Variants in SLC30A10 observed in about 807,000 individuals in gnomAD.
The protein encoded by SLC30A10 is calcium/manganese antiporter SLC30A10.
In SLC30A10, 8 loss-of-function variants were observed where a neutral mutation model predicts 21.7. The ratio of observed to expected loss-of-function variants is 0.37; its 90% CI spans 0.22 to 0.67. The LOEUF is 0.67. SLC30A10 is among the 30% of genes least tolerant of loss of function. The pLI, the probability that SLC30A10 is intolerant of heterozygous loss-of-function variation, is 0.58. For missense variants in SLC30A10, 521 were observed against 642.5 expected (o/e 0.81, Z 2.04); for synonymous variants, 272 against 279.4 (o/e 0.97, Z 0.26).
chr1:219,939,265 C>G (rs1660086029), intron 1 of SLC30A10, among the ~76,000 whole-genome samples: 1 of 152,148 alleles, frequency 6.6e-6, no homozygotes, highest in South Asian at 2.1e-4. Flanking sequence ...GAATGCACCT[C>G]TACCATCAGT....
chr1:219,915,704 G>T lies in SLC30A10; in HGVS notation c.1203C>A (p.Asn401Lys). Residue 401 changes from asparagine (N) to lysine (K), a missense_variant, in exon 4 of 4, where the codon AAC (asparagine) becomes AAA (lysine). Transcript: ENST00000366926. ...CACAGCCCTTGGAGATGCAGGGTGA[G>T]TTGCAGAGCAACAGTAAGTCCTTCT... ...LEQKDLLLLC[N>K]SPCISKGCAK... The T allele has an allele frequency of 1.2e-6, 2 of 1,614,252 alleles. No homozygotes were observed. Among genetic ancestry groups the T allele is most frequent in the South Asian group, 2.2e-5 (2 of 91,084 alleles).
chr1:219,914,698 C>T lies in SLC30A10; in HGVS notation c.*751G>A, dbSNP rs1304860581. 1 of 152,156 alleles carries T rather than the reference C, an allele frequency of 6.6e-6. No individual in the cohort carries two copies. Among genetic ancestry groups the T allele is most frequent in the Non-Finnish European group, 1.5e-5 (1 of 68,016 alleles). 9.4% of individuals were successfully genotyped at this position (152,156 alleles called of 1,614,324 possible). ...AAAGACAGTATATGAGTATTTGTGT[C>T]ATACTTCAGGAAACTGAAATATTCC... On this transcript the variant is annotated 3_prime_UTR_variant, in exon 4 of 4. Transcript: ENST00000366926.
chr1:219,916,968 G>GTT (rs749604118), intron 3 of SLC30A10, among the ~76,000 whole-genome samples: 24 of 132,254 alleles, frequency 1.8e-4, no homozygotes, highest in African/African-American at 2.5e-4. Flanking sequence ...ATCTTGTGGG[G>GTT]TTTTTTTTTT....
intron 1 of SLC30A10, among the ~76,000 whole-genome samples, chr1:219,953,746 G>T (rs1301647632): frequency 6.7e-6 from 1 of 148,502 alleles, no homozygotes; most frequent in Non-Finnish European, 1.5e-5. Context: ...TTGCTCTGTT[G>T]CCCAGGCTGG....
In SLC30A10 at chr1:219,928,553, A is replaced by T; in HGVS notation, c.-113T>A. 2.3e-5 allele frequency: 22 copies of T among 936,274 alleles called. No homozygotes were observed. The highest frequency in any genetic ancestry group is 4.1e-5 in the Admixed American group (1 of 24,272). The allele number at this position is 936,274 out of a possible 1,614,324, so 58.0% of individuals were successfully genotyped here. A position where few individuals can be genotyped will look rare whatever the true frequency, so the allele number is the denominator to read the frequency against. Reference sequence around the variant, plus strand: ...CCGTGAGGCCCGGTACCCGCCTCCCAGATTGTCTCGCCGGCCCTGCCCCAC... The same window carrying T: ...CCGTGAGGCCCGGTACCCGCCTCCCTGATTGTCTCGCCGGCCCTGCCCCAC... On this transcript the variant is annotated 5_prime_UTR_variant, in exon 1 of 4. Transcript: ENST00000366926. This position sits in a 1 kb window ranked among gnomAD's most constrained non-coding sequence, Gnocchi z 6.3.
At chr1:219,955,355 C>G (rs1660331783) in intron 1 of SLC30A10, among the ~76,000 whole-genome samples, 1 of 152,200 alleles carries the variant, frequency 6.6e-6, no homozygotes. Flanking sequence ...ACCTGAACTT[C>G]CTCACACCTT....
intron 1 of SLC30A10, among the ~76,000 whole-genome samples, chr1:219,943,072 A>T (rs1660141480): frequency 1.3e-5 from 2 of 152,170 alleles, no homozygotes; most frequent in African/African-American, 4.8e-5. Flanking sequence ...TAATCATGAA[A>T]TACACAAAAT....
chr1:219,940,082 C>G (rs1660101068), intron 1 of SLC30A10, among the ~76,000 whole-genome samples: 1 of 152,228 alleles, frequency 6.6e-6, no homozygotes. Flanking sequence ...GTGCTTGACA[C>G]TCCTTCCATC....
chr1:219,955,192 C>T (rs538719136), intron 1 of SLC30A10, among the ~76,000 whole-genome samples: 16 of 152,316 alleles, frequency 1.1e-4, no homozygotes, highest in African/African-American at 2.9e-4. Context: ...AACCTTTCCC[C>T]TACTCCCTTC....
At chr1:219,919,740 T>TAC (rs1261638459) in intron 2 of SLC30A10, among the ~76,000 whole-genome samples, 1 of 149,214 alleles carries the variant, frequency 6.7e-6, no homozygotes, top group African/African-American at 2.5e-5. Flanking sequence ...AGTGCCATTG[T>TAC]ACTCCAGCCT....
intron 1 of SLC30A10, among the ~76,000 whole-genome samples, chr1:219,946,658 T>C (rs1335525590): frequency 6.6e-6 from 1 of 152,094 alleles, no homozygotes; most frequent in Non-Finnish European, 1.5e-5. Context: ...CTGGGCTTCC[T>C]CCTTCCAACT....
chr1:219,928,374 C>G lies in SLC30A10; in HGVS notation c.67G>C (p.Val23Leu). 6.2e-7 allele frequency: 1 copy of G among 1,613,486 alleles called. No individual in the cohort carries two copies. Among genetic ancestry groups the G allele is most frequent in the Non-Finnish European group, 8.5e-7 (1 of 1,179,722 alleles). The change falls in exon 1 of 4, where the codon GTG becomes CTG. Residue 23 changes from valine (V) to leucine (L), a missense_variant. Transcript: ENST00000366926. The surrounding 1 kb of genome is among the most constrained non-coding windows in gnomAD (Gnocchi z 6.3). The stretch of plus-strand genomic sequence containing the variant: ...AGGTAGCCGGAGACCAGCTCCGCCA[C>G]GAAGAAGGCGACGGTGAGCACCAGC... ...FMLVLTVAFF[V>L]AELVSGYLGN... is the part of the protein sequence containing the mutation.
At chr1:219,954,257 G>C (rs1660313707) in intron 1 of SLC30A10, among the ~76,000 whole-genome samples, 1 of 152,028 alleles carries the variant, frequency 6.6e-6, no homozygotes, top group African/African-American at 2.4e-5. Context: ...AAAACCTTCT[G>C]CAACAATACA....
intron 1 of SLC30A10, among the ~76,000 whole-genome samples, chr1:219,957,339 T>G (rs968048804): frequency 2.0e-5 from 3 of 152,166 alleles, no homozygotes; most frequent in Non-Finnish European, 2.9e-5. Context: ...TAATTTATCA[T>G]AGTAGCAAAG....
At chr1:219,955,419 T>C (rs1045371402) in intron 1 of SLC30A10, among the ~76,000 whole-genome samples, 1 of 152,184 alleles carries the variant, frequency 6.6e-6, no homozygotes, top group Non-Finnish European at 1.5e-5. Flanking sequence ...GACTTCCAAG[T>C]TTTCTCATCT....
chr1:219,940,416 A>G (rs1362820814), intron 1 of SLC30A10, among the ~76,000 whole-genome samples: 1 of 152,210 alleles, frequency 6.6e-6, no homozygotes. Context: ...GTGGAAGCAC[A>G]CAGCCTGTTC....
At chr1:219,922,176 GTTTTTTTTTTTTTTTTTTTTTTTTT>G (rs869249213) in intron 2 of SLC30A10, among the ~76,000 whole-genome samples, 1 of 36,452 alleles carries the variant, frequency 2.7e-5, no homozygotes, top group African/African-American at 1.1e-4. Flanking sequence ...GTGTGTGTGT[GTTTTTTTTTTTTTTTTTTTTTTTTT>G]TTTTTTTTTT....
At position 219,910,981 on chromosome 1, in the gene SLC30A10, A is replaced by G. The variant is rs758114345; in HGVS notation, c.*4468T>C. ...CTTGAGAAACTAAATTCCTGGTTTG[A>G]CAACCTCATTTCTACCTGTGGCTAC... On this transcript the variant is annotated 3_prime_UTR_variant, in exon 4 of 4. Transcript: ENST00000366926. Among the ~76,000 whole-genome samples, 16 of 152,130 alleles carry G rather than the reference A, an allele frequency of 1.1e-4. No homozygotes were observed. Among genetic ancestry groups the G allele is most frequent in the Non-Finnish European group, 2.1e-4 (14 of 68,006 alleles).
At chr1:219,941,720 C>G (rs1660125934) in intron 1 of SLC30A10, among the ~76,000 whole-genome samples, 1 of 151,572 alleles carries the variant, frequency 6.6e-6, no homozygotes, top group South Asian at 2.1e-4. Context: ...CCCCCTCTCC[C>G]CTTCTCCCTC....
Sources: allele counts gnomAD v4.1 joint callset (sites outside exome capture counted in the v4.1 genomes callset), GRCh38; gene constraint gnomAD v4.1.1; non-coding constraint Gnocchi (gnomAD v3.1); transcripts MANE v1.5; gene names NCBI Gene and HGNC (gene_info 2026-07-23, HGNC 2026-07-21).